The following LRP1B variants were observed in gnomAD, a reference collection of about 807,000 sequenced individuals.
LRP1B encodes the protein low-density lipoprotein receptor-related protein 1B.
In LRP1B, 217 loss-of-function variants were observed where a neutral mutation model predicts 556.6. That is an observed-to-expected ratio of 0.39 (90% CI 0.35 to 0.44). The LOEUF is 0.44. Among genes scored for constraint, LRP1B ranks in the 20% least tolerant of loss-of-function variants. The probability of loss-of-function intolerance (pLI) is 1.00; values close to 1 mark genes in which losing one functional copy is unlikely to be tolerated. For synonymous variants in LRP1B, 2,047 were observed against 1,865.8 expected, an observed-to-expected ratio of 1.10 and a Z score of -2.50; for missense variants, 5,053 against 5,620.8, an observed-to-expected ratio of 0.90 and a Z score of 3.23.
intron 20 of LRP1B, among the ~76,000 whole-genome samples, chr2:140,930,075 G>T (rs574741695): frequency 6.6e-6 from 1 of 152,136 alleles, no homozygotes; most frequent in South Asian, 2.1e-4. Context: ...TTCCAAGCCG[G>T]TATGGTTCCC....
intron 3 of LRP1B, among the ~76,000 whole-genome samples, chr2:141,404,821 G>A (rs1690574607): frequency 6.6e-6 from 1 of 151,922 alleles, no homozygotes; most frequent in Non-Finnish European, 1.5e-5. Flanking sequence ...TAAAACCTGT[G>A]AGAAATGGAA....
intron 2 of LRP1B, among the ~76,000 whole-genome samples, chr2:141,786,780 T>G (rs1695442003): frequency 6.6e-6 from 1 of 151,968 alleles, no homozygotes; most frequent in African/African-American, 2.4e-5. Context: ...GTAGGACTTT[T>G]AAAAATGTCT....
At chr2:140,980,384 G>A (rs575006228) in intron 18 of LRP1B, among the ~76,000 whole-genome samples, 22 of 152,122 alleles carry the variant, frequency 1.4e-4, no homozygotes, top group Non-Finnish European at 2.9e-4. Flanking sequence ...CTGGATAGTG[G>A]AAAAGAGAGA....
intron 35 of LRP1B, among the ~76,000 whole-genome samples, chr2:140,748,775 T>TATATATC (rs1273579139): frequency 6.8e-5 from 2 of 29,310 alleles, no homozygotes; most frequent in African/African-American, 2.0e-4. Context: ...ATGTATATAA[T>TATATATC]ATGTATATAA....
intron 41 of LRP1B, among the ~76,000 whole-genome samples, chr2:140,630,798 A>C (rs1683853580): frequency 6.6e-6 from 1 of 152,178 alleles, no homozygotes; most frequent in Admixed American, 6.5e-5. Flanking sequence ...AATGCTGGAG[A>C]AGGGCAATTA....
intron 73 of LRP1B, 94 bp from the exon 74 acceptor site, chr2:140,358,210 A>T: frequency 8.5e-7 from 1 of 1,180,676 alleles, no homozygotes; most frequent in South Asian, 1.6e-5. Flanking sequence ...AACTACTATG[A>T]AAAACATGGG....
intron 20 of LRP1B, among the ~76,000 whole-genome samples, chr2:140,929,431 A>C (rs1694983470): frequency 6.6e-6 from 1 of 152,122 alleles, no homozygotes; most frequent in South Asian, 2.1e-4. Flanking sequence ...CAAAGCCAGC[A>C]GTATTAATAA....
chr2:141,681,557 T>C (rs1390201373), intron 2 of LRP1B, among the ~76,000 whole-genome samples: 1 of 152,160 alleles, frequency 6.6e-6, no homozygotes, highest in East Asian at 1.9e-4. Context: ...TGTCACTAAA[T>C]ACATTCTGTT....
chr2:142,068,450 T>C (rs1021266782), intron 1 of LRP1B, among the ~76,000 whole-genome samples: 1 of 151,674 alleles, frequency 6.6e-6, no homozygotes, highest in Non-Finnish European at 1.5e-5. Flanking sequence ...CAGCTTTAAA[T>C]AGAATCTTTG....
chr2:141,796,680 C>T (rs949810768), intron 2 of LRP1B, among the ~76,000 whole-genome samples: 10 of 149,108 alleles, frequency 6.7e-5, no homozygotes, highest in African/African-American at 2.2e-4. Context: ...CAGTTGTCAA[C>T]ATAACAGAGA....
At chr2:141,585,154 C>T (rs1044712844) in intron 2 of LRP1B, among the ~76,000 whole-genome samples, 1 of 152,012 alleles carries the variant, frequency 6.6e-6, no homozygotes, top group African/African-American at 2.4e-5. Flanking sequence ...GTAATATTTC[C>T]GATGTTCTTA....
At chr2:141,508,208 T>C (rs549800118) in intron 2 of LRP1B, among the ~76,000 whole-genome samples, 1 of 152,304 alleles carries the variant, frequency 6.6e-6, no homozygotes, top group African/African-American at 2.4e-5. Context: ...TCTTTCCTCC[T>C]TTTGCAAGTT....
intron 3 of LRP1B, among the ~76,000 whole-genome samples, chr2:141,358,647 G>A (rs749454516): frequency 1.3e-5 from 2 of 152,150 alleles, no homozygotes; most frequent in South Asian, 2.1e-4. Flanking sequence ...TTAGTTCTAC[G>A]AAATTGTTTT....
intron 2 of LRP1B, among the ~76,000 whole-genome samples, chr2:141,488,961 G>T (rs1306667339): frequency 6.1e-5 from 3 of 48,888 alleles, no homozygotes; most frequent in African/African-American, 1.1e-4. Flanking sequence ...TTTTACATGG[G>T]TTTGTTTTTT....
At chr2:140,754,751 C>T (rs1197240939) in intron 35 of LRP1B, among the ~76,000 whole-genome samples, 1 of 141,298 alleles carries the variant, frequency 7.1e-6, no homozygotes, top group Non-Finnish European at 1.5e-5. Context: ...ATAACCTAAT[C>T]TTCTTGCTTA....
chr2:142,129,997 G>T (rs1340333383), intron 1 of LRP1B, among the ~76,000 whole-genome samples: 1 of 152,102 alleles, frequency 6.6e-6, no homozygotes, highest in South Asian at 2.1e-4. Context: ...GGCACTCCAG[G>T]GGTGGGTTAG....
chr2:142,122,890 C>A (rs758328515), intron 1 of LRP1B, among the ~76,000 whole-genome samples: 1 of 151,996 alleles, frequency 6.6e-6, no homozygotes, highest in Non-Finnish European at 1.5e-5. Flanking sequence ...TTTGGAAATG[C>A]ACAAAATGTC....
intron 3 of LRP1B, among the ~76,000 whole-genome samples, chr2:141,289,636 T>C (rs1453178954): frequency 6.6e-6 from 1 of 152,094 alleles, no homozygotes; most frequent in Non-Finnish European, 1.5e-5. Context: ...TTAGGAAAAA[T>C]AGACAACCTT....
At chr2:140,532,933 T>TATATATAC (rs1362713372) in intron 47 of LRP1B, among the ~76,000 whole-genome samples, 2 of 110,682 alleles carry the variant, frequency 1.8e-5, no homozygotes, top group East Asian at 6.6e-4. Context: ...GCACAAGATA[T>TATATATAC]ATATATATAT....
Sources: allele counts gnomAD v4.1 joint callset (sites outside exome capture counted in the v4.1 genomes callset), GRCh38; gene constraint gnomAD v4.1.1; transcripts MANE v1.5; gene names NCBI Gene and HGNC (gene_info 2026-07-23, HGNC 2026-07-21).